Variants in GIP observed in about 807,000 individuals in gnomAD.
The protein encoded by GIP is glucose-dependent insulinotropic polypeptide.
A neutral mutation model predicts 18.1 loss-of-function variants in GIP; 16 were observed. The ratio of observed to expected loss-of-function variants is 0.88; its 90% CI spans 0.60 to 1.34. The LOEUF (loss-of-function observed/expected upper bound fraction) is 1.34. Among genes scored for constraint, GIP ranks in the 40% most tolerant of loss-of-function variants. The pLI, the probability that GIP is intolerant of heterozygous loss-of-function variation, is 0.00. For synonymous variants in GIP, 76 were observed against 74.0 expected, an observed-to-expected ratio of 1.03 and a Z score of -0.14; for missense variants, 192 against 183.4, an observed-to-expected ratio of 1.05 and a Z score of -0.27.
chr17:48,961,029 T>C (rs6504587), intron 4 of GIP, 42 bp from the exon 5 acceptor site: 1,397,481 of 1,402,384 alleles, frequency 1, 696,426 homozygotes, highest in East Asian at 1. Context: ...TAGCCTGAGC[T>C]TCGCCCAGAG....
At chr17:48,961,082 G>A (rs1028334268) in intron 4 of GIP, 95 bp from the exon 5 acceptor site, 8 of 730,088 alleles carry the variant, frequency 1.1e-5, no homozygotes, top group South Asian at 3.8e-5. Flanking sequence ...GGGCAGCCGC[G>A]GATGGGGGGA....
chr17:48,964,484 G>C lies in GIP; in HGVS notation c.87-4C>G, dbSNP rs373114430. The C allele has an allele frequency of 1.0e-4, 168 of 1,613,552 alleles. No homozygotes were observed. The highest frequency in any genetic ancestry group is 1.0e-3 in the African/African-American group (75 of 75,042). ...AACAGGCAGGGAGGGGAGAGCGCTG[G>C]AAACAAGGGTGCGGAGAAGGGGCAG... On this transcript the variant is annotated splice_polypyrimidine_tract_variant and splice_region_variant and intron_variant, in intron 2 of 5. Transcript: ENST00000357424.
At chr17:48,960,577 A>G (rs1567796185) in intron 5 of GIP, among the ~76,000 whole-genome samples, 1 of 152,110 alleles carries the variant, frequency 6.6e-6, no homozygotes, top group Non-Finnish European at 1.5e-5. Flanking sequence ...AGTGAGGAAG[A>G]AGAACAAATA....
At chr17:48,959,481 G>C (rs2041187562) in intron 5 of GIP, among the ~76,000 whole-genome samples, 1 of 152,014 alleles carries the variant, frequency 6.6e-6, no homozygotes, top group Admixed American at 6.6e-5. Context: ...GAAGTGTTTT[G>C]GTTTCCGTGC....
chr17:48,964,859 G>T (rs892675247), intron 2 of GIP, among the ~76,000 whole-genome samples: 1 of 152,092 alleles, frequency 6.6e-6, no homozygotes, highest in Admixed American at 6.6e-5. Context: ...CCAGGCGTTG[G>T]CAGGGCGTGG....
At chr17:48,965,304 T>TA (rs35687818) in intron 2 of GIP, among the ~76,000 whole-genome samples, 8 of 111,188 alleles carry the variant, frequency 7.2e-5, no homozygotes, top group African/African-American at 2.8e-4. Flanking sequence ...TTCGTCTCAA[T>TA]AAAAAAAAAA....
chr17:48,963,592 G>A (rs1432374191), intron 3 of GIP, among the ~76,000 whole-genome samples: 1 of 151,750 alleles, frequency 6.6e-6, no homozygotes, highest in Non-Finnish European at 1.5e-5. Context: ...CCCAGGAGGT[G>A]GAAGTTGCAG....
intron 2 of GIP, 32 bp from the exon 3 acceptor site, chr17:48,964,512 A>G (rs2041223284): frequency 6.3e-7 from 1 of 1,589,614 alleles, no homozygotes; most frequent in Non-Finnish European, 8.6e-7. Flanking sequence ...AGGGGCAGAG[A>G]TGGGGGGAGA....
chr17:48,960,785 A>G (rs1253063512), intron 5 of GIP, 101 bp downstream of exon 5: 1 of 739,280 alleles, frequency 1.4e-6, no homozygotes, highest in East Asian at 2.7e-5. Flanking sequence ...AGGTTCAGAA[A>G]GGCTATGTAA....
intron 4 of GIP, among the ~76,000 whole-genome samples, 180 bp from the exon 5 acceptor site, chr17:48,961,167 C>T (rs150747558): frequency 1.5e-3 from 226 of 152,264 alleles, no homozygotes; most frequent in African/African-American, 5.2e-3. Context: ...CCCCACCCAG[C>T]GCTGCCTGCC....
At chr17:48,959,609 G>A (rs1042129660) in intron 5 of GIP, among the ~76,000 whole-genome samples, 1 of 152,190 alleles carries the variant, frequency 6.6e-6, no homozygotes, top group African/African-American at 2.4e-5. Context: ...TCTAGCTGAT[G>A]AGGGGGATTC....
intron 5 of GIP, among the ~76,000 whole-genome samples, chr17:48,960,448 C>T (rs564950626): frequency 5.6e-5 from 8 of 143,744 alleles, no homozygotes; most frequent in African/African-American, 2.1e-4. Flanking sequence ...TAGGGACAGG[C>T]GGGACACAGG....
Position 48,961,002 on chromosome 17 carries a change from TCTCTGGCTAACTATTTTAGC to T in GIP, c.351-35_351-16del. 1 of 1,575,848 alleles carries T rather than the reference TCTCTGGCTAACTATTTTAGC, an allele frequency of 6.3e-7. No individual in the cohort carries two copies. Among genetic ancestry groups the T allele is most frequent in the Middle Eastern group, 1.7e-4 (1 of 5,982 alleles). On this transcript the variant is annotated splice_polypyrimidine_tract_variant and intron_variant, in intron 4 of 5. Transcript: ENST00000357424. ...TGGCTGGGGAGCTGCAAGGGAACAG[TCTCTGGCTAACTATTTTAGC>T]CTGAGCTTCGCCCAGAGAGGGTAAA... is the stretch of plus-strand genomic sequence containing the variant.
intron 4 of GIP, 114 bp downstream of exon 4, chr17:48,961,613 A>G (rs1477263616): frequency 6.0e-6 from 4 of 666,820 alleles, no homozygotes; most frequent in Non-Finnish European, 1.1e-5. Context: ...TCTGAGAGGA[A>G]GAGGATGCTT....
At chr17:48,967,745 T>C (rs1016138840) in intron 1 of GIP, among the ~76,000 whole-genome samples, 1 of 151,396 alleles carries the variant, frequency 6.6e-6, no homozygotes, top group Non-Finnish European at 1.5e-5. Flanking sequence ...AGAAGGGACA[T>C]GGAATCTTAC....
intron 3 of GIP, among the ~76,000 whole-genome samples, chr17:48,962,324 A>G (rs1254499093): frequency 6.6e-6 from 1 of 152,098 alleles, no homozygotes; most frequent in African/African-American, 2.4e-5. Flanking sequence ...GGCCTCCCAA[A>G]GTGCTGGGAT....
rs373523656 is a variant in GIP at position 48,958,729 on chromosome 17, G to A, written c.453-13C>T. ...GAGTCACCGAGACCTGGGGAGAGTG[G>A]GGAAAGGAGAAGAAGGTTGTTATGG... On this transcript the variant is annotated splice_polypyrimidine_tract_variant and intron_variant, in intron 5 of 5. Coordinates refer to ENST00000357424, the MANE Select transcript of GIP (RefSeq NM_004123.3). 146 of 1,577,460 alleles carry A rather than the reference G, an allele frequency of 9.3e-5. No individual in the cohort carries two copies. The African/African-American group carries it at 1.8e-3, about 20-fold the overall frequency.
rs201520214 is a variant in GIP, at chr17:48,964,516, G to A, written c.87-36C>T. 75 of 1,578,806 alleles carry A rather than the reference G, an allele frequency of 4.8e-5. No individual in the cohort carries two copies. The East Asian group carries it at 1.7e-3, about 35-fold the overall frequency. Reference sequence around the variant, plus strand: ...GGGTGCGGAGAAGGGGCAGAGATGGGGGGAGAATCACAATGCTAGGGTAAA... The same window carrying A: ...GGGTGCGGAGAAGGGGCAGAGATGGAGGGAGAATCACAATGCTAGGGTAAA... On this transcript the variant is annotated intron_variant, in intron 2 of 5. Transcript: ENST00000357424.
chr17:48,961,424 T>C (rs917705581), intron 4 of GIP, among the ~76,000 whole-genome samples: 1 of 152,138 alleles, frequency 6.6e-6, no homozygotes, highest in African/African-American at 2.4e-5. Flanking sequence ...GGCCAGGACC[T>C]GAGGTCTCTT....
Sources: allele counts gnomAD v4.1 joint callset (sites outside exome capture counted in the v4.1 genomes callset), GRCh38; gene constraint gnomAD v4.1.1; transcripts MANE v1.5; gene names NCBI Gene and HGNC (gene_info 2026-07-23, HGNC 2026-07-21).